RTL4: variants seen among roughly 807,000 people sequenced by gnomAD.
The protein encoded by RTL4 is retrotransposon Gag-like protein 4.
A neutral mutation model predicts 5.3 loss-of-function variants in RTL4; 4 were observed. The observed-to-expected ratio is 0.75, with a 90% confidence interval of 0.37 to 1.72. The LOEUF is 1.72. Ranked by LOEUF, RTL4 falls within the 40% of genes most tolerant of loss-of-function variation. The pLI, the probability that RTL4 is intolerant of heterozygous loss-of-function variation, is 0.04. For missense variants in RTL4, 260 were observed against 227.1 expected, an observed-to-expected ratio of 1.14 and a Z score of -0.93; for synonymous variants, 98 against 87.3, an observed-to-expected ratio of 1.12 and a Z score of -0.68.
the RTL4 span, among the ~76,000 whole-genome samples, chrX:112,211,183 A>G: frequency 2.7e-5 from 3 of 112,160 alleles, no homozygotes; most frequent in Non-Finnish European, 5.6e-5. Flanking sequence ...GAAGGCTTGG[A>G]AATGCAGGGA....
At chrX:112,421,651 T>A in the RTL4 span, among the ~76,000 whole-genome samples, 1 of 112,053 alleles carries the variant, frequency 8.9e-6, no homozygotes, top group African/African-American at 3.2e-5. Context: ...CTAACTAGCC[T>A]CCACAGTGAA....
At chrX:112,096,771 C>T in the RTL4 span, among the ~76,000 whole-genome samples, 9 of 111,832 alleles carry the variant, frequency 8.0e-5, no homozygotes, top group African/African-American at 2.9e-4. Flanking sequence ...GAGGATGAAG[C>T]CACACCCAAG....
chrX:112,286,686 C>A, the RTL4 span, among the ~76,000 whole-genome samples: 2 of 111,519 alleles, frequency 1.8e-5, no homozygotes, highest in Admixed American at 1.9e-4. Context: ...AGTCAGAAAC[C>A]TAGAAGTCAT....
At chrX:112,234,446 G>C in the RTL4 span, among the ~76,000 whole-genome samples, 1 of 110,903 alleles carries the variant, frequency 9.0e-6, no homozygotes, top group Non-Finnish European at 1.9e-5. Flanking sequence ...TTTCCTGGGG[G>C]AGTAGGCCAT....
chrX:112,245,922 C>A, the RTL4 span, among the ~76,000 whole-genome samples: 1 of 112,481 alleles, frequency 8.9e-6, no homozygotes, highest in African/African-American at 3.2e-5. Context: ...CTATTCCCTT[C>A]TGTTTGTTAG....
chrX:112,221,747 G>A, the RTL4 span, among the ~76,000 whole-genome samples: 2 of 112,165 alleles, frequency 1.8e-5, no homozygotes, highest in African/African-American at 6.5e-5. Context: ...GAAATTCAGG[G>A]TGTTATTACC....
chrX:112,122,213 A>T, the RTL4 span, among the ~76,000 whole-genome samples: 3 of 111,925 alleles, frequency 2.7e-5, no homozygotes, highest in African/African-American at 9.7e-5. Context: ...GGATAAAGAA[A>T]ATGTAGTACA....
the RTL4 span, among the ~76,000 whole-genome samples, chrX:112,176,525 G>T: frequency 4.5e-5 from 5 of 110,864 alleles, no homozygotes; most frequent in South Asian, 1.9e-3. Context: ...CTCATTACTG[G>T]GTGTGTCACT....
chrX:112,257,105 C>A, the RTL4 span, among the ~76,000 whole-genome samples: 2 of 111,233 alleles, frequency 1.8e-5, no homozygotes, highest in Non-Finnish European at 3.8e-5. Flanking sequence ...CAGTTTATAG[C>A]TGTTATACAT....
At chrX:112,214,151 T>C in the RTL4 span, among the ~76,000 whole-genome samples, 1 of 111,709 alleles carries the variant, frequency 9.0e-6, no homozygotes, top group Admixed American at 9.5e-5. Flanking sequence ...AACTAAAACT[T>C]TGTGCTCTAA....
the RTL4 span, among the ~76,000 whole-genome samples, chrX:112,120,733 A>G: frequency 9.0e-6 from 1 of 111,400 alleles, no homozygotes; most frequent in East Asian, 2.8e-4. Context: ...GTAGTGGCCG[A>G]AAAGTATGTT....
At chrX:112,310,717 ATAT>A in the RTL4 span, among the ~76,000 whole-genome samples, 1 of 73,983 alleles carries the variant, frequency 1.4e-5, no homozygotes, top group Non-Finnish European at 2.3e-5. Context: ...ATATATTTCA[ATAT>A]TATATATTAT....
chrX:112,349,210 G>C, the RTL4 span, among the ~76,000 whole-genome samples: 187 of 111,413 alleles, frequency 1.7e-3, no homozygotes, highest in African/African-American at 5.8e-3. Context: ...TCTGACACCA[G>C]CTTGTAGGTT....
At chrX:112,233,221 A>G in the RTL4 span, among the ~76,000 whole-genome samples, 1 of 112,220 alleles carries the variant, frequency 8.9e-6, no homozygotes, top group Non-Finnish European at 1.9e-5. Context: ...ATAGCTGAGC[A>G]TGTGGCAGAA....
At chrX:112,179,638 T>C in the RTL4 span, among the ~76,000 whole-genome samples, 2 of 112,422 alleles carry the variant, frequency 1.8e-5, no homozygotes, top group Non-Finnish European at 3.8e-5. Context: ...CATTCATTTA[T>C]TCATCACATT....
At chrX:112,209,974 T>C in the RTL4 span, among the ~76,000 whole-genome samples, 5,246 of 111,854 alleles carry the variant, frequency 0.047, 141 homozygotes, top group Non-Finnish European at 0.072. Flanking sequence ...ACAGTATCCC[T>C]ATCTGCCACT....
At chrX:112,125,010 C>G in the RTL4 span, among the ~76,000 whole-genome samples, 118 of 110,109 alleles carry the variant, frequency 1.1e-3, no homozygotes, top group African/African-American at 3.8e-3. Context: ...AAGCGATTCT[C>G]CTGCCTCAGC....
At chrX:112,293,842 C>T in the RTL4 span, among the ~76,000 whole-genome samples, 1 of 111,589 alleles carries the variant, frequency 9.0e-6, no homozygotes. Context: ...GCAAAATTCC[C>T]TACCTCTACC....
At chrX:112,105,541 A>G in the RTL4 span, among the ~76,000 whole-genome samples, 12 of 111,133 alleles carry the variant, frequency 1.1e-4, no homozygotes, top group African/African-American at 3.3e-4. Context: ...CTTTCCATTT[A>G]TTTGTACCTT....
Sources: gnomAD v4.1 joint callset for allele counts (sites outside exome capture counted in the v4.1 genomes callset) on GRCh38, gnomAD v4.1.1 for gene constraint, MANE v1.5 for transcripts, NCBI Gene and HGNC (gene_info 2026-07-23, HGNC 2026-07-21) for gene names.